Variants in APBA2 observed in about 807,000 individuals in gnomAD.
APBA2 encodes amyloid beta precursor protein binding family A member 2, also known as amyloid-beta A4 precursor protein-binding family A member 2.
Under a neutral mutation model 75.0 loss-of-function variants are expected in APBA2, and 30 were observed. The observed-to-expected ratio is 0.40, with a 90% CI of 0.30 to 0.54. The LOEUF is 0.54. Ranked by LOEUF, APBA2 falls within the 20% of genes least tolerant of loss-of-function variation. APBA2 has a pLI of 0.49. For missense variants in APBA2, 801 were observed against 1,016.1 expected, an observed-to-expected ratio of 0.79 and a Z score of 2.88; for synonymous variants, 444 against 409.6, an observed-to-expected ratio of 1.08 and a Z score of -1.01.
intron 4 of APBA2, among the ~76,000 whole-genome samples, chr15:29,062,965 G>A (rs59149958): frequency 0.018 from 2,486 of 135,818 alleles, 42 homozygotes; most frequent in African/African-American, 0.071. Flanking sequence ...TCTGGTCAGT[G>A]TCTGTATGGG....
chr15:28,961,539 G>C (rs2152738842), intron 2 of APBA2: 1 of 152,386 alleles, frequency 6.6e-6, no homozygotes, highest in East Asian at 1.9e-4. Context: ...GAGTCTTCTT[G>C]GAGGAAGTGG....
intron 6 of APBA2, among the ~76,000 whole-genome samples, chr15:29,080,956 G>A (rs906057449): frequency 2.0e-5 from 3 of 152,048 alleles, no homozygotes; most frequent in South Asian, 2.1e-4. Context: ...ATGCCAAAAT[G>A]CTGCCAGGCC....
chr15:28,971,256 C>T (rs2037052414), intron 2 of APBA2, among the ~76,000 whole-genome samples: 1 of 151,930 alleles, frequency 6.6e-6, no homozygotes, highest in Non-Finnish European at 1.5e-5. Context: ...GGGGGGATCC[C>T]TGCAAGATAA....
At chr15:28,964,510 G>C (rs1487942587) in intron 2 of APBA2, among the ~76,000 whole-genome samples, 4 of 143,196 alleles carry the variant, frequency 2.8e-5, no homozygotes, top group African/African-American at 8.0e-5. Context: ...TTTTTGAGAC[G>C]AAGTCTTGCT....
chr15:28,888,993 G>A (rs139151164), intron 1 of APBA2, among the ~76,000 whole-genome samples: 67,867 of 151,772 alleles, frequency 0.45, 15,474 homozygotes, highest in Non-Finnish European at 0.47. Context: ...TGCTCACCAG[G>A]AGGCAGCCTG....
intron 1 of APBA2, among the ~76,000 whole-genome samples, chr15:28,892,148 C>T (rs2032172490): frequency 6.6e-6 from 1 of 152,194 alleles, no homozygotes; most frequent in Non-Finnish European, 1.5e-5. Flanking sequence ...AATCTCAGCT[C>T]ACGGCAAGCT....
intron 1 of APBA2, among the ~76,000 whole-genome samples, chr15:28,902,341 C>G (rs1194091579): frequency 2.0e-5 from 3 of 152,138 alleles, no homozygotes; most frequent in African/African-American, 2.4e-5. Flanking sequence ...CAGACAAATT[C>G]CAGTTGAGGG....
chr15:29,054,925 C>T lies in APBA2; in HGVS notation c.951+90C>T, dbSNP rs369466842. ...AGGCCTTGCAGATGCTGAAGCGAGGCGGTGGGGGGTGCTGGGTGCCTCACA... is the reference window on the plus strand; with the variant it reads ...AGGCCTTGCAGATGCTGAAGCGAGGTGGTGGGGGGTGCTGGGTGCCTCACA... On this transcript the variant is annotated intron_variant, in intron 4 of 14. Coordinates refer to ENST00000683413, the MANE Select transcript of APBA2 (RefSeq NM_001353788.2). The surrounding 1 kb of genome is among the most constrained non-coding windows in gnomAD (Gnocchi z 6.1). 4.3e-5 allele frequency: 55 copies of T among 1,293,472 alleles called. No individual in the cohort carries two copies. The highest frequency in any genetic ancestry group is 4.7e-4 in the Middle Eastern group (2 of 4,244). The allele number at this position is 1,293,472 out of a possible 1,614,324, so 80.1% of individuals were successfully genotyped here. A position where few individuals can be genotyped will look rare whatever the true frequency, so the allele number is the denominator to read the frequency against.
At chr15:29,038,374 G>C (rs1416103271) in intron 3 of APBA2, among the ~76,000 whole-genome samples, 1 of 152,194 alleles carries the variant, frequency 6.6e-6, no homozygotes, top group South Asian at 2.1e-4. Context: ...TCAGAGGATT[G>C]GGGGATTGAA....
Position 29,097,332 on chromosome 15 carries a change from C to T in APBA2, c.1252-1158C>T, listed in dbSNP as rs566282611. 5.2e-5 allele frequency among the ~76,000 whole-genome samples: 8 copies of T among 152,390 alleles called. No individual in the cohort carries two copies. In the South Asian group the frequency reaches 1.0e-3, roughly 20 times the overall value. ...GAGGGGCTGTGGCGACAGACCCAGG[C>T]GTCCCGCCCCATCTCGGTCAAGCTC... On this transcript the variant is annotated intron_variant, in intron 8 of 14. Coordinates refer to ENST00000683413, the MANE Select transcript of APBA2 (RefSeq NM_001353788.2).
chr15:29,021,583 A>T (rs1411764627), intron 3 of APBA2, among the ~76,000 whole-genome samples: 1 of 152,200 alleles, frequency 6.6e-6, no homozygotes, highest in African/African-American at 2.4e-5. Flanking sequence ...CGTGTGCCGT[A>T]AACAGATCCA....
At chr15:29,110,933 G>A (rs534634462) in intron 13 of APBA2, among the ~76,000 whole-genome samples, 1 of 152,238 alleles carries the variant, frequency 6.6e-6, no homozygotes, top group South Asian at 2.1e-4. Context: ...TGGGGCAGGT[G>A]CAGAGGGGTC....
chr15:29,118,218 T>G lies in APBA2; in HGVS notation c.*1085T>G, dbSNP rs868668898. 6.6e-6 allele frequency: 1 copy of G among 152,588 alleles called. No homozygotes were observed. Among genetic ancestry groups the G allele is most frequent in the Non-Finnish European group, 1.5e-5 (1 of 68,042 alleles). The allele number at this position is 152,588 out of a possible 1,614,324, so 9.5% of individuals were successfully genotyped here. A position where few individuals can be genotyped will look rare whatever the true frequency, so the allele number is the denominator to read the frequency against. ...GCCTTACCACGCAGTAACTAAAGCT[T>G]TAGGATGACTGTATTCGAGGAGTGC... On this transcript the variant is annotated 3_prime_UTR_variant, in exon 15 of 15. Transcript: ENST00000683413.
chr15:29,042,877 C>T (rs1022437555), intron 3 of APBA2, among the ~76,000 whole-genome samples: 5 of 152,060 alleles, frequency 3.3e-5, no homozygotes, highest in Admixed American at 6.6e-5. Flanking sequence ...GCAGAAGCTG[C>T]GCCCCTTTCT....
chr15:28,911,405 G>A (rs2033421461), intron 1 of APBA2, among the ~76,000 whole-genome samples: 1 of 152,198 alleles, frequency 6.6e-6, no homozygotes, highest in African/African-American at 2.4e-5. Flanking sequence ...TGGGGACGGA[G>A]CCTGTGGTTT....
At chr15:28,925,733 C>A (rs866106833) in intron 2 of APBA2, among the ~76,000 whole-genome samples, 3 of 152,152 alleles carry the variant, frequency 2.0e-5, no homozygotes, top group African/African-American at 7.2e-5. Context: ...TGTTGATTTT[C>A]TGTCTGCTTG....
intron 2 of APBA2, among the ~76,000 whole-genome samples, chr15:28,964,924 GTTATC>G (rs776942610): frequency 1.8e-4 from 28 of 151,404 alleles, no homozygotes; most frequent in Non-Finnish European, 3.8e-4. Flanking sequence ...TTTTTTTTCT[GTTATC>G]TTAACTTGAC....
chr15:29,106,147 T>A (rs566260963), intron 11 of APBA2, among the ~76,000 whole-genome samples: 1 of 152,280 alleles, frequency 6.6e-6, no homozygotes, highest in African/African-American at 2.4e-5. Flanking sequence ...ACAGTGACCT[T>A]TGAGAGGAAA....
intron 6 of APBA2, among the ~76,000 whole-genome samples, chr15:29,087,978 A>C (rs2043368043): frequency 6.7e-6 from 1 of 150,130 alleles, no homozygotes; most frequent in African/African-American, 2.5e-5. Context: ...TATCCACACC[A>C]CCCCGCTCTA....
Sources: gnomAD v4.1 joint callset for allele counts (sites outside exome capture counted in the v4.1 genomes callset) on GRCh38, gnomAD v4.1.1 for gene constraint, Gnocchi (gnomAD v3.1) non-coding constraint, MANE v1.5 for transcripts, NCBI Gene and HGNC (gene_info 2026-07-23, HGNC 2026-07-21) for gene names.